STRN3: variants seen among roughly 807,000 people sequenced by gnomAD.
The protein encoded by STRN3 is striatin-3.
STRN3 carries 29 observed loss-of-function variants against 95.6 expected under a neutral mutation model. The observed-to-expected ratio is 0.30, with a 90% CI of 0.23 to 0.41. The LOEUF is 0.41. STRN3 is among the 10% of genes least tolerant of loss of function. STRN3 has a pLI of 1.00. For synonymous variants in STRN3, 331 were observed against 357.6 expected (o/e 0.93, Z 0.84); for missense variants, 890 against 972.1 (o/e 0.92, Z 1.12).
chr14:30,955,455 A>G (rs2378813), intron 3 of STRN3, among the ~76,000 whole-genome samples, 165 bp downstream of exon 3: 58,972 of 151,960 alleles, frequency 0.39, 12,193 homozygotes, highest in Non-Finnish European at 0.46. Context: ...TAAGATGTAT[A>G]TGAAACTATT....
At chr14:30,968,461 C>G (rs1880652175) in intron 1 of STRN3, among the ~76,000 whole-genome samples, 1 of 150,036 alleles carries the variant, frequency 6.7e-6, no homozygotes, top group Admixed American at 6.6e-5. Context: ...GCGGGCGGAT[C>G]ACGAGGTCAG....
At chr14:30,959,431 AC>A (rs753070814) in intron 1 of STRN3, among the ~76,000 whole-genome samples, 5 of 152,238 alleles carry the variant, frequency 3.3e-5, no homozygotes, top group Non-Finnish European at 7.3e-5. Context: ...AATGACTGGA[AC>A]TGACCTTATG....
At chr14:30,973,344 G>A (rs1305207039) in intron 1 of STRN3, among the ~76,000 whole-genome samples, 1 of 151,206 alleles carries the variant, frequency 6.6e-6, no homozygotes, top group African/African-American at 2.4e-5. Flanking sequence ...GGGGGGGAGG[G>A]GGAGAGAAGG....
Position 31,000,851 on chromosome 14 carries a change from AAAC to A in STRN3, c.282+25050_282+25052del, listed in dbSNP as rs556813532. ...ATAAACAGCCGATGAAGAAAAAAAA[AAAC>A]AATAGGTAGAGATAAGCCTTACAAG... On this transcript the variant is annotated intron_variant, in intron 1 of 17. Coordinates refer to ENST00000357479, the MANE Select transcript of STRN3 (RefSeq NM_001083893.2). Among the ~76,000 whole-genome samples, 321 of 152,202 alleles carry A rather than the reference AAAC, an allele frequency of 2.1e-3. 1 individual carries two copies. The highest frequency in any genetic ancestry group is 7.3e-3 in the African/African-American group (302 of 41,530).
intron 9 of STRN3, 27 bp from the exon 10 acceptor site, chr14:30,913,684 A>T (rs1172069569): frequency 1.2e-6 from 2 of 1,610,692 alleles, no homozygotes; most frequent in Non-Finnish European, 1.7e-6. Flanking sequence ...CGCTTCTTAA[A>T]TGCTGAAAAA....
chr14:30,925,163 C>G (rs1483582705), intron 8 of STRN3, among the ~76,000 whole-genome samples: 3 of 148,500 alleles, frequency 2.0e-5, no homozygotes, highest in Non-Finnish European at 3.0e-5. Context: ...GAAAGAAATA[C>G]TGAAGTGGGT....
chr14:31,012,655 A>T (rs1472133839), intron 1 of STRN3, among the ~76,000 whole-genome samples: 1 of 152,190 alleles, frequency 6.6e-6, no homozygotes, highest in Non-Finnish European at 1.5e-5. Context: ...GCAATTTGGG[A>T]GACCGAGGCG....
At chr14:30,915,023 A>T (rs1302017128) in intron 9 of STRN3, among the ~76,000 whole-genome samples, 2 of 152,224 alleles carry the variant, frequency 1.3e-5, no homozygotes, top group South Asian at 2.1e-4. Context: ...TTTGAAAGCA[A>T]AATTTTAACA....
At position 30,894,197 on chromosome 14, in the gene STRN3, AT is replaced by A. The variant is rs1896067058; in HGVS notation, c.*1213del. The A allele has an allele frequency of 1.3e-5, 2 of 152,412 alleles. No individual in the cohort carries two copies. Among genetic ancestry groups the A allele is most frequent in the African/African-American group, 4.8e-5 (2 of 41,456 alleles). The allele number at this position is 152,412 out of a possible 1,614,324, so 9.4% of individuals were successfully genotyped here. ...CAGATTTCTGTATCCTGATTCAACT[AT>A]TTTTGTATCCTATTTGTAATGCAAA... On this transcript the variant is annotated 3_prime_UTR_variant, in exon 18 of 18. Transcript: ENST00000357479.
At chr14:30,902,706 C>T (rs376883112) in intron 15 of STRN3, 63 bp from the exon 16 acceptor site, 1 of 1,037,780 alleles carries the variant, frequency 9.6e-7, no homozygotes, top group Non-Finnish European at 1.4e-6. Context: ...TGGATAATGG[C>T]CTTTTTAATC....
chr14:30,982,615 A>G (rs1460502943), intron 1 of STRN3, among the ~76,000 whole-genome samples: 3 of 152,126 alleles, frequency 2.0e-5, no homozygotes, highest in Non-Finnish European at 4.4e-5. Flanking sequence ...TGGCCAATAG[A>G]TAATTTTTAA....
chr14:30,909,718 T>A (rs1896559998), intron 13 of STRN3, among the ~76,000 whole-genome samples: 1 of 152,110 alleles, frequency 6.6e-6, no homozygotes, highest in East Asian at 1.9e-4. Context: ...CCTCAAGTGA[T>A]CCACCCACTT....
At chr14:30,998,575 C>A (rs1882308480) in intron 1 of STRN3, among the ~76,000 whole-genome samples, 1 of 152,216 alleles carries the variant, frequency 6.6e-6, no homozygotes, top group Non-Finnish European at 1.5e-5. Flanking sequence ...TGAAGGCATG[C>A]CCCAACACAC....
intron 1 of STRN3, among the ~76,000 whole-genome samples, chr14:31,001,345 G>C (rs1214552269): frequency 1.3e-5 from 2 of 151,858 alleles, no homozygotes; most frequent in Non-Finnish European, 2.9e-5. Context: ...AAATCAGCAT[G>C]GGCAACACAG....
Position 30,975,848 on chromosome 14 carries a change from A to G in STRN3, c.283-19606T>C, listed in dbSNP as rs370891086. 5.6e-3 allele frequency among the ~76,000 whole-genome samples: 853 copies of G among 151,156 alleles called. 3 individuals carry two copies. Among genetic ancestry groups the G allele is most frequent in the Non-Finnish European group, 9.0e-3 (611 of 67,694 alleles). On this transcript the variant is annotated intron_variant, in intron 1 of 17. Transcript: ENST00000357479. ...GACCCTGGCTCTTTAAAAAAAAAAA[A>G]AAAAAAAAAAAGTGGACTTGAATTA...
chr14:31,002,988 G>C (rs1019869089), intron 1 of STRN3, among the ~76,000 whole-genome samples: 2 of 152,090 alleles, frequency 1.3e-5, no homozygotes, highest in African/African-American at 4.8e-5. Context: ...ATGAGGCCGG[G>C]CACGGTGGCT....
At chr14:30,950,255 T>C (rs147505547) in intron 4 of STRN3, among the ~76,000 whole-genome samples, 28 of 152,228 alleles carry the variant, frequency 1.8e-4, no homozygotes, top group African/African-American at 6.3e-4. Flanking sequence ...ATTCTAAAGA[T>C]AGTTCTACAA....
chr14:30,934,483 T>C (rs2139070362), intron 7 of STRN3, among the ~76,000 whole-genome samples: 1 of 152,318 alleles, frequency 6.6e-6, no homozygotes, highest in Admixed American at 6.5e-5. Flanking sequence ...TACCTTAAAA[T>C]ATTTTTACAC....
chr14:30,929,954 C>CAAAAAAAAAAAAA lies in STRN3; in HGVS notation c.989-656_989-644dup, dbSNP rs1191963792. ...TCCATTGGTCTACAACTAAGATTAGCAAAAAAAAAAAAAAAAAAAAAAAAA... is the reference window on the plus strand; with the variant it reads ...TCCATTGGTCTACAACTAAGATTAGCAAAAAAAAAAAAAAAAAAAAAAAAAAAAAAAAAAAAAA... On this transcript the variant is annotated intron_variant, in intron 7 of 17. Coordinates refer to ENST00000357479, the MANE Select transcript of STRN3 (RefSeq NM_001083893.2). Among the ~76,000 whole-genome samples the CAAAAAAAAAAAAA allele has an allele frequency of 2.3e-3, 93 of 39,966 alleles. 10 individuals carry two copies. The highest frequency in any genetic ancestry group is 6.5e-3 in the African/African-American group (52 of 8,034). 26.2% of individuals were successfully genotyped at this position (39,966 alleles called of 152,430 possible).
Sources: allele counts gnomAD v4.1 joint callset (sites outside exome capture counted in the v4.1 genomes callset), GRCh38; gene constraint gnomAD v4.1.1; transcripts MANE v1.5; gene names NCBI Gene and HGNC (gene_info 2026-07-23, HGNC 2026-07-21).